ARHGEF10L: variants seen among roughly 807,000 people sequenced by gnomAD.
The protein encoded by ARHGEF10L is Rho guanine nucleotide exchange factor 10 like.
Under a neutral mutation model 141.2 loss-of-function variants are expected in ARHGEF10L, and 69 were observed. The observed-to-expected ratio is 0.49, with a 90% CI of 0.40 to 0.60. The LOEUF (loss-of-function observed/expected upper bound fraction) is 0.60. ARHGEF10L is among the 20% of genes least tolerant of loss of function. ARHGEF10L has a pLI of 0.00. For synonymous variants in ARHGEF10L, 711 were observed against 718.5 expected (o/e 0.99, Z 0.17); for missense variants, 1,482 against 1,734.3 (o/e 0.85, Z 2.58).
chr1:17,540,648 G>A (rs1380953876), intron 1 of ARHGEF10L, among the ~76,000 whole-genome samples: 2 of 152,124 alleles, frequency 1.3e-5, no homozygotes, highest in Admixed American at 6.5e-5. Context: ...CTGCCAAAGC[G>A]GGGCCCTGGG....
chr1:17,533,529 C>G, the ARHGEF10L span, among the ~76,000 whole-genome samples: 1 of 152,156 alleles, frequency 6.6e-6, no homozygotes, highest in Non-Finnish European at 1.5e-5. Flanking sequence ...CTAGTCTCTC[C>G]TGATACTAAG....
In ARHGEF10L at chr1:17,655,999, C is replaced by G; in HGVS notation, c.2602C>G (p.Pro868Ala). 9.5e-6 allele frequency: 15 copies of G among 1,571,630 alleles called. No individual in the cohort carries two copies. The highest frequency in any genetic ancestry group is 1.3e-5 in the Non-Finnish European group (15 of 1,157,520). ...AAPVLCMEYIPELEEEAESRD... is the reference protein window; with the variant it reads ...AAPVLCMEYIAELEEEAESRD... ...CCCTGTGCTCTGCATGGAGTATATCCCGGAGCTGGAGGAGGAGGCGGAGAG... is the reference window on the plus strand; with the variant it reads ...CCCTGTGCTCTGCATGGAGTATATCGCGGAGCTGGAGGAGGAGGCGGAGAG... The change falls in exon 24 of 29, where the codon CCG (proline) becomes GCG (alanine). Residue 868 changes from proline (P) to alanine (A), a missense_variant. Physicochemically the swap from Pro to Ala is conservative, Grantham distance 27. Around this residue, in one of 3 missense-constraint regions of ARHGEF10L, gnomAD observed 858 missense variants for 966.3 expected, o/e 0.89. Coordinates refer to ENST00000361221, the MANE Select transcript of ARHGEF10L (RefSeq NM_018125.4).
At chr1:17,634,310 G>T in intron 16 of ARHGEF10L, 1 of 671,920 alleles carries the variant, frequency 1.5e-6, no homozygotes, top group South Asian at 1.8e-5. Flanking sequence ...CTGAGGATCA[G>T]TGTCCTTGTC....
At chr1:17,541,799 C>T (rs950528099) in intron 1 of ARHGEF10L, among the ~76,000 whole-genome samples, 1 of 152,044 alleles carries the variant, frequency 6.6e-6, no homozygotes, top group African/African-American at 2.4e-5. Flanking sequence ...GAAACCCCAT[C>T]TCTACTAAAA....
At chr1:17,684,170 C>T (rs142930558) in intron 26 of ARHGEF10L, among the ~76,000 whole-genome samples, 1 of 152,368 alleles carries the variant, frequency 6.6e-6, no homozygotes, top group East Asian at 1.9e-4. Flanking sequence ...TCACTGTCCT[C>T]ATCTGTGATT....
the ARHGEF10L span, among the ~76,000 whole-genome samples, chr1:17,528,890 C>T: frequency 3.9e-5 from 6 of 152,122 alleles, no homozygotes; most frequent in Non-Finnish European, 7.3e-5. Context: ...TGGGATAATA[C>T]GGTAAAGGGC....
intron 2 of ARHGEF10L, among the ~76,000 whole-genome samples, chr1:17,582,896 C>T (rs1208493272): frequency 1.3e-5 from 2 of 152,048 alleles, no homozygotes; most frequent in Non-Finnish European, 2.9e-5. Context: ...CTGCTCACTG[C>T]ATGCATGGAT....
chr1:17,697,807 TAA>T lies in ARHGEF10L; in HGVS notation c.*429_*430del, dbSNP rs1317347216. 3.0e-6 allele frequency: 1 copy of T among 331,992 alleles called. No homozygotes were observed. Among genetic ancestry groups the T allele is most frequent in the Non-Finnish European group, 6.2e-6 (1 of 162,250 alleles). The allele number at this position is 331,992 out of a possible 1,614,324, so 20.6% of individuals were successfully genotyped here. A position where few individuals can be genotyped will look rare whatever the true frequency, so the allele number is the denominator to read the frequency against. ...ATGGTGTATATTATATGTGTATAAA[TAA>T]AGTCTGTACATATTGGAGCTCTGGG... On this transcript the variant is annotated 3_prime_UTR_variant, in exon 29 of 29. Transcript: ENST00000361221. The surrounding 1 kb of genome is among the most constrained non-coding windows in gnomAD (Gnocchi z 4.8).
At chr1:17,575,607 G>C (rs2078188979) in intron 1 of ARHGEF10L, among the ~76,000 whole-genome samples, 1 of 152,224 alleles carries the variant, frequency 6.6e-6, no homozygotes, top group Non-Finnish European at 1.5e-5. Flanking sequence ...TCGGTGGAGG[G>C]GGCGAATCTT....
intron 27 of ARHGEF10L, among the ~76,000 whole-genome samples, chr1:17,692,406 G>C (rs973015709): frequency 6.6e-6 from 1 of 152,080 alleles, no homozygotes; most frequent in Non-Finnish European, 1.5e-5. Context: ...ATCCAACCAG[G>C]AGCTCTGGGC....
At chr1:17,677,439 C>T (rs865857489) in intron 26 of ARHGEF10L, among the ~76,000 whole-genome samples, 3 of 152,252 alleles carry the variant, frequency 2.0e-5, no homozygotes, top group Admixed American at 1.3e-4. Flanking sequence ...AACTCTGTAT[C>T]GGTGTCTCCT....
chr1:17,652,251 G>A (rs2061980424), intron 22 of ARHGEF10L, among the ~76,000 whole-genome samples: 1 of 152,132 alleles, frequency 6.6e-6, no homozygotes, highest in African/African-American at 2.4e-5. Flanking sequence ...GCAGGAGGCA[G>A]GAGTAGGTCT....
chr1:17,672,567 T>A (rs1363157594), intron 26 of ARHGEF10L, among the ~76,000 whole-genome samples: 1 of 152,166 alleles, frequency 6.6e-6, no homozygotes, highest in African/African-American at 2.4e-5. Context: ...CAGTTTGTCT[T>A]AATTTTTTTT....
chr1:17,586,171 AAG>A (rs1425008935), intron 2 of ARHGEF10L, among the ~76,000 whole-genome samples: 1 of 152,214 alleles, frequency 6.6e-6, no homozygotes, highest in Non-Finnish European at 1.5e-5. Context: ...CAATTGTACC[AAG>A]GCTGAGAAAA....
chr1:17,580,495 G>C, intron 1 of ARHGEF10L, 58 bp from the exon 2 acceptor site: 3 of 1,483,410 alleles, frequency 2.0e-6, no homozygotes, highest in Non-Finnish European at 2.8e-6. Context: ...ACTTGTCTCA[G>C]TAGCTGAAAC....
intron 9 of ARHGEF10L, chr1:17,618,451 G>T (rs1009392324): frequency 4.1e-5 from 61 of 1,501,586 alleles, no homozygotes; most frequent in Non-Finnish European, 5.2e-5. Flanking sequence ...CGGCAGGAGG[G>T]TCTGCACCAC....
rs575209496 is a variant in ARHGEF10L at position 17,603,476 on chromosome 1, G to T, written c.350-32G>T. 1.8e-5 allele frequency: 28 copies of T among 1,590,594 alleles called. 1 individual carries two copies. In the South Asian group the frequency reaches 3.0e-4, roughly 17 times the overall value. ...CTCTGGCCAGGCTGCCACAGCCCAC[G>T]GTGGTGCTCTCTCTCCCCACTTCCC... is the stretch of plus-strand genomic sequence containing the variant. On this transcript the variant is annotated intron_variant, in intron 5 of 28. Coordinates refer to ENST00000361221, the MANE Select transcript of ARHGEF10L (RefSeq NM_018125.4). This position sits in a 1 kb window ranked among gnomAD's most constrained non-coding sequence, Gnocchi z 4.8.
Position 17,656,452 on chromosome 1 carries a change from G to T in ARHGEF10L, c.2706-102G>T. On this transcript the variant is annotated intron_variant, in intron 24 of 28. Transcript: ENST00000361221. The surrounding 1 kb of genome is among the most constrained non-coding windows in gnomAD (Gnocchi z 4.9). ...ACACAGCCGAAAGGCGTGGCTGAGA[G>T]GGGTCAGCTCCCTGGGGCCCTCTCC... 7.1e-7 allele frequency: 1 copy of T among 1,413,174 alleles called. No homozygotes were observed. The highest frequency in any genetic ancestry group is 9.7e-7 in the Non-Finnish European group (1 of 1,035,816). The allele number at this position is 1,413,174 out of a possible 1,614,324, so 87.5% of individuals were successfully genotyped here. A position where few individuals can be genotyped will look rare whatever the true frequency, so the allele number is the denominator to read the frequency against.
intron 1 of ARHGEF10L, among the ~76,000 whole-genome samples, chr1:17,579,563 T>C (rs1158951458): frequency 6.6e-6 from 1 of 152,244 alleles, no homozygotes; most frequent in African/African-American, 2.4e-5. Flanking sequence ...TGAGGTATCG[T>C]TGGCAATGCA....
Sources: allele counts gnomAD v4.1 joint callset (sites outside exome capture counted in the v4.1 genomes callset), GRCh38; gene constraint gnomAD v4.1.1; regional missense constraint gnomAD v4.1.1; non-coding constraint Gnocchi (gnomAD v3.1); transcripts MANE v1.5; gene names NCBI Gene and HGNC (gene_info 2026-07-23, HGNC 2026-07-21).